The following IL1RAP variants were observed in gnomAD, a reference collection of about 807,000 sequenced individuals.
IL1RAP encodes the protein interleukin 1 receptor accessory protein, also known as interleukin-1 receptor accessory protein.
Under a neutral mutation model 60.7 loss-of-function variants are expected in IL1RAP, and 35 were observed. The observed-to-expected ratio is 0.58, with a 90% confidence interval of 0.44 to 0.76. The LOEUF (loss-of-function observed/expected upper bound fraction) is 0.76. IL1RAP is among the 30% of genes least tolerant of loss of function. The pLI is 0.00. For missense variants in IL1RAP, 572 were observed against 693.9 expected, an observed-to-expected ratio of 0.82 and a Z score of 1.97; for synonymous variants, 268 against 250.9, an observed-to-expected ratio of 1.07 and a Z score of -0.64.
Position 190,645,816 on chromosome 3 carries a change from T to C in IL1RAP, c.1319T>C (p.Phe440Ser). The C allele has an allele frequency of 6.2e-7, 1 of 1,613,694 alleles. No individual in the cohort carries two copies. Among genetic ancestry groups the C allele is most frequent in the Non-Finnish European group, 8.5e-7 (1 of 1,179,744 alleles). The change falls in exon 11 of 12, where the codon TTT becomes TCT. Residue 440 changes from phenylalanine to serine, a missense_variant. Physicochemically the swap from Phe to Ser is radical, Grantham distance 155 (BLOSUM62 -2). Transcript: ENST00000447382. The stretch of plus-strand genomic sequence containing the variant: ...GAATTTGGATACAAGCTGTGCATCT[T>C]TGACCGAGACAGTCTGCCTGGGGGA... Reference protein sequence around the residue: ...ENEFGYKLCIFDRDSLPGGIV... With the variant: ...ENEFGYKLCISDRDSLPGGIV...
downstream of IL1RAP, chr3:190,656,009 G>A (rs1465256322): frequency 2.0e-6 from 3 of 1,537,180 alleles, no homozygotes; most frequent in East Asian, 2.4e-5. Context: ...GGTGTCATGT[G>A]CCAGAACTCC....
At chr3:190,519,760 AT>A (rs1425724627) in intron 1 of IL1RAP, among the ~76,000 whole-genome samples, 4 of 151,682 alleles carry the variant, frequency 2.6e-5, no homozygotes, top group African/African-American at 7.3e-5. Flanking sequence ...TATTATTATT[AT>A]TTTTTTTACT....
chr3:190,640,138 A>G (rs1002444782), intron 9 of IL1RAP, among the ~76,000 whole-genome samples: 2 of 152,162 alleles, frequency 1.3e-5, no homozygotes, highest in Admixed American at 1.3e-4. Flanking sequence ...TTGAACTCTC[A>G]TTTCTATCTC....
At chr3:190,514,243 G>C (rs924830879) in intron 1 of IL1RAP, 24 bp downstream of exon 1, 1 of 152,244 alleles carries the variant, frequency 6.6e-6, no homozygotes, top group Non-Finnish European at 1.5e-5. Context: ...CGCCGTGAGG[G>C]CTCAGAAGTC....
intron 6 of IL1RAP, among the ~76,000 whole-genome samples, chr3:190,621,570 G>C (rs189780568): frequency 6.6e-6 from 1 of 152,160 alleles, no homozygotes; most frequent in Non-Finnish European, 1.5e-5. Context: ...CTGATTAACA[G>C]ATTTAAAAAT....
At chr3:190,625,968 A>G (rs1053388179) in intron 7 of IL1RAP, among the ~76,000 whole-genome samples, 15 of 152,196 alleles carry the variant, frequency 9.9e-5, no homozygotes, top group Admixed American at 3.3e-4. Flanking sequence ...GGACGTTGCA[A>G]TGGGAGGGTA....
chr3:190,622,192 T>TA (rs1380498460), intron 6 of IL1RAP, among the ~76,000 whole-genome samples: 1 of 152,238 alleles, frequency 6.6e-6, no homozygotes, highest in Non-Finnish European at 1.5e-5. Context: ...ATAAGACATC[T>TA]ATCTCATGTA....
intron 1 of IL1RAP, among the ~76,000 whole-genome samples, chr3:190,535,471 C>A (rs1468156061): frequency 1.3e-5 from 2 of 152,146 alleles, no homozygotes; most frequent in African/African-American, 2.4e-5. Context: ...CTATTCCTGG[C>A]CAACAATTAG....
intron 2 of IL1RAP, among the ~76,000 whole-genome samples, chr3:190,556,660 A>G (rs1007533069): frequency 6.6e-6 from 1 of 152,210 alleles, no homozygotes; most frequent in Non-Finnish European, 1.5e-5. Context: ...TTTTGACAAT[A>G]GAGCACTAAA....
In IL1RAP at chr3:190,594,115, T is replaced by G. The variant is rs527481613; in HGVS notation, c.65-10013T>G. Reference sequence around the variant, plus strand: ...TAAAATAACAGCTGTTTAAACTAATTCCTTTCCAAGTTTAGTGAGCATAGG... The same window carrying G: ...TAAAATAACAGCTGTTTAAACTAATGCCTTTCCAAGTTTAGTGAGCATAGG... On this transcript the variant is annotated intron_variant, in intron 3 of 11. Transcript: ENST00000447382. Among the ~76,000 whole-genome samples the G allele has an allele frequency of 9.9e-5, 15 of 152,224 alleles. 1 individual carries two copies. The South Asian group carries it at 3.1e-3, about 32-fold the overall frequency.
rs1206671811 is a variant in IL1RAP at position 190,532,332 on chromosome 3, G to T, written c.-89+18113G>T. ...GGCTGGAGTGCAGTGGCACCATCTCGGCTCACTGCAAGCTTCGCCTCCTGG... is the reference window on the plus strand; with the variant it reads ...GGCTGGAGTGCAGTGGCACCATCTCTGCTCACTGCAAGCTTCGCCTCCTGG... On this transcript the variant is annotated intron_variant, in intron 1 of 11. Transcript: ENST00000447382. Among the ~76,000 whole-genome samples, 3 of 147,504 alleles carry T rather than the reference G, an allele frequency of 2.0e-5. No individual in the cohort carries two copies. In the South Asian group the frequency reaches 6.4e-4, roughly 32 times the overall value.
chr3:190,523,512 C>T (rs1722257657), intron 1 of IL1RAP, among the ~76,000 whole-genome samples: 1 of 152,064 alleles, frequency 6.6e-6, no homozygotes. Context: ...CTGATTCTCT[C>T]CCTCCTCCCA....
intron 10 of IL1RAP, among the ~76,000 whole-genome samples, chr3:190,644,606 AAATT>A (rs545907069): frequency 2.5e-3 from 386 of 152,352 alleles, no homozygotes; most frequent in African/African-American, 8.2e-3. Context: ...GAGTCGGTCT[AAATT>A]AACACCCTCC....
chr3:190,612,391 C>G (rs11917841), intron 5 of IL1RAP, among the ~76,000 whole-genome samples: 2 of 151,938 alleles, frequency 1.3e-5, no homozygotes, highest in Admixed American at 1.3e-4. Context: ...AGTTTTGTTC[C>G]CATACACATC....
intron 1 of IL1RAP, among the ~76,000 whole-genome samples, chr3:190,546,692 T>C (rs183671070): frequency 1.3e-5 from 2 of 152,332 alleles, no homozygotes; most frequent in African/African-American, 4.8e-5. Context: ...CAATATTTCA[T>C]GGGTACCATG....
intron 1 of IL1RAP, among the ~76,000 whole-genome samples, chr3:190,541,332 C>G (rs978447454): frequency 3.3e-5 from 5 of 152,028 alleles, no homozygotes; most frequent in Admixed American, 6.6e-5. Context: ...AAAAAGTACT[C>G]AGTAATTGCA....
At chr3:190,564,397 C>A (rs6764286) in intron 3 of IL1RAP, 44 bp downstream of exon 3, 3 of 1,264,866 alleles carry the variant, frequency 2.4e-6, no homozygotes, top group African/African-American at 1.5e-5. Flanking sequence ...GCAAGTCATG[C>A]GTAGGGTAAT....
intron 3 of IL1RAP, among the ~76,000 whole-genome samples, chr3:190,573,878 G>A (rs1363183176): frequency 3.9e-5 from 6 of 151,988 alleles, no homozygotes. Flanking sequence ...TTGAATCAAG[G>A]ATTATATTCA....
intron 1 of IL1RAP, among the ~76,000 whole-genome samples, chr3:190,547,719 T>G (rs553776113): frequency 9.8e-5 from 15 of 152,306 alleles, no homozygotes; most frequent in African/African-American, 3.4e-4. Flanking sequence ...CCTGGTGCAC[T>G]GTAAGTCTGC....
Sources: allele counts gnomAD v4.1 joint callset (sites outside exome capture counted in the v4.1 genomes callset), GRCh38; gene constraint gnomAD v4.1.1; transcripts MANE v1.5; gene names NCBI Gene and HGNC (gene_info 2026-07-23, HGNC 2026-07-21).